The following FMNL3 variants were observed in gnomAD, a reference collection of about 807,000 sequenced individuals.
FMNL3 encodes formin-like protein 3.
In FMNL3, 57 loss-of-function variants were observed where a neutral mutation model predicts 119.6. The ratio of observed to expected loss-of-function variants is 0.48; its 90% CI spans 0.39 to 0.59. The LOEUF is 0.59. FMNL3 is among the 20% of genes least tolerant of loss of function. FMNL3 has a pLI of 0.00. For missense variants in FMNL3, 1,053 were observed against 1,323.5 expected (o/e 0.80, Z 3.17); for synonymous variants, 491 against 507.3 (o/e 0.97, Z 0.43).
chr12:49,700,854 T>C (rs1944891232), intron 1 of FMNL3, among the ~76,000 whole-genome samples: 1 of 149,572 alleles, frequency 6.7e-6, no homozygotes, highest in African/African-American at 2.5e-5. Flanking sequence ...CCGAGGTGGG[T>C]AGATCTAAGG....
intron 21 of FMNL3, 130 bp from the exon 22 acceptor site, chr12:49,648,483 TAAGG>T (rs950334362): frequency 8.4e-6 from 8 of 949,396 alleles, no homozygotes; most frequent in African/African-American, 1.7e-5. Context: ...TGTATGGACA[TAAGG>T]AAGTACACAC....
Position 49,651,931 on chromosome 12 carries a change from A to C in FMNL3, c.1603+2T>G. On this transcript the variant is annotated splice_donor_variant, in intron 14 of 25. Transcript: ENST00000335154. LOFTEE classifies it high-confidence loss of function. ...TTGGCTCCCAGGGGTCGTCGTGGTT[A>C]CCTGGTAATGGGGGAGGTGGAGGGG... is the stretch of plus-strand genomic sequence containing the variant. 1 of 1,581,226 alleles carries C rather than the reference A, an allele frequency of 6.3e-7. No homozygotes were observed. The highest frequency in any genetic ancestry group is 8.6e-7 in the Non-Finnish European group (1 of 1,160,590).
intron 1 of FMNL3, among the ~76,000 whole-genome samples, chr12:49,706,275 G>A (rs1165763765): frequency 6.6e-6 from 1 of 151,992 alleles, no homozygotes; most frequent in African/African-American, 2.4e-5. Context: ...CATTTATACA[G>A]ACCGTTTGAA....
At chr12:49,659,947 G>A (rs1056172938) in intron 5 of FMNL3, 139 of 985,314 alleles carry the variant, frequency 1.4e-4, no homozygotes, top group Non-Finnish European at 1.6e-4. Context: ...AAGGCACAGA[G>A]GTTGAGGCTT....
chr12:49,668,023 C>T (rs2138862070), intron 2 of FMNL3, among the ~76,000 whole-genome samples: 1 of 152,272 alleles, frequency 6.6e-6, no homozygotes, highest in South Asian at 2.1e-4. Flanking sequence ...AGAGAGTTTC[C>T]AGACCTTGAC....
chr12:49,651,070 C>T, intron 16 of FMNL3, 98 bp downstream of exon 16: 1 of 1,558,932 alleles, frequency 6.4e-7, no homozygotes, highest in Non-Finnish European at 8.7e-7. Context: ...AGCCTGGCCT[C>T]ACCCTGTCTG....
In FMNL3 at chr12:49,648,976, G is replaced by A. The variant is rs899633377; in HGVS notation, c.2515+53C>T. On this transcript the variant is annotated intron_variant, in intron 21 of 25. Transcript: ENST00000335154. The stretch of plus-strand genomic sequence containing the variant: ...GTTCTCTCTCCTCATAGCTTCCTGG[G>A]ATTGTCCTGGGCTGGATGTGAGGGC... The A allele has an allele frequency of 2.6e-6, 4 of 1,527,472 alleles. No individual in the cohort carries two copies. In the African/African-American group the frequency reaches 5.6e-5, roughly 21 times the overall value. The allele number at this position is 1,527,472 out of a possible 1,614,324, so 94.6% of individuals were successfully genotyped here.
At chr12:49,702,394 G>A (rs552353679) in intron 1 of FMNL3, among the ~76,000 whole-genome samples, 1 of 152,338 alleles carries the variant, frequency 6.6e-6, no homozygotes, top group Middle Eastern at 3.4e-3. Flanking sequence ...CACATCAGCT[G>A]CATTTGGTAA....
chr12:49,656,368 AACAC>A (rs139157446), intron 9 of FMNL3, 32 bp downstream of exon 9: 126 of 1,473,790 alleles, frequency 8.5e-5, no homozygotes, highest in Middle Eastern at 2.0e-4. Context: ...CTCCCCCGCA[AACAC>A]ACACACACAC....
chr12:49,660,411 A>G (rs1043704843), intron 5 of FMNL3, among the ~76,000 whole-genome samples: 5 of 152,240 alleles, frequency 3.3e-5, no homozygotes, highest in African/African-American at 1.2e-4. Flanking sequence ...TGAATTTTTT[A>G]AGAAAAATTA....
intron 1 of FMNL3, among the ~76,000 whole-genome samples, chr12:49,705,486 C>T (rs1411994825): frequency 6.6e-6 from 1 of 152,182 alleles, no homozygotes; most frequent in Non-Finnish European, 1.5e-5. Flanking sequence ...CCCAATCCAC[C>T]TCACCCCATC....
rs367619669 is a variant in FMNL3 at position 49,645,864 on chromosome 12, C to T, written c.3035G>A (p.Arg1012Lys). 2 of 1,611,182 alleles carry T rather than the reference C, an allele frequency of 1.2e-6. No individual in the cohort carries two copies. The highest frequency in any genetic ancestry group is 2.7e-5 in the African/African-American group (2 of 74,646). Reference sequence around the variant, plus strand: ...GGGACCACTGGGCGGTGCAGCACTCCTGGCTTGGTGGCGAACAACCATAGG... The same window carrying T: ...GGGACCACTGGGCGGTGCAGCACTCTTGGCTTGGTGGCGAACAACCATAGG... ...CQPMVVRHQA[R>K]SAAPPSGPPR... The change falls in exon 26 of 26, where the codon AGG (arginine) becomes AAG (lysine). Residue 1012 changes from arginine (R) to lysine (K), a missense_variant. Arg to Lys is a conservative substitution (Grantham distance 26). Around this residue, in one of 4 missense-constraint regions of FMNL3, gnomAD observed 324 missense variants for 380.9 expected, o/e 0.85. Coordinates refer to ENST00000335154, the MANE Select transcript of FMNL3 (RefSeq NM_175736.5).
rs760371441 is a variant in FMNL3, at chr12:49,653,771, T to C, written c.1175A>G (p.Asn392Ser). The C allele has an allele frequency of 2.0e-5, 33 of 1,614,174 alleles. No individual in the cohort carries two copies. Among genetic ancestry groups the C allele is most frequent in the Non-Finnish European group, 2.5e-5 (29 of 1,180,014 alleles). The change falls in exon 12 of 26, where the codon AAT becomes AGT. Residue 392 changes from asparagine to serine, a missense_variant. By Grantham distance (46) the Asn-to-Ser change is conservative. Around this residue, in one of 4 missense-constraint regions of FMNL3, gnomAD observed 445 missense variants for 628.4 expected, o/e 0.71. Transcript: ENST00000335154. ...CTCCTCCACCTTCTCCAGGGCTACATTCTTGGTCTCAGCATCCTCCAACAA... is the reference window on the plus strand; with the variant it reads ...CTCCTCCACCTTCTCCAGGGCTACACTCTTGGTCTCAGCATCCTCCAACAA... Reference protein sequence around the residue: ...GGLLEDAETKNVALEKVEELE... With the variant: ...GGLLEDAETKSVALEKVEELE...
chr12:49,651,076 G>T, intron 16 of FMNL3, 92 bp downstream of exon 16: 1 of 1,567,724 alleles, frequency 6.4e-7, no homozygotes. Context: ...GCCTCACCCT[G>T]TCTGATGGCT....
At chr12:49,684,682 TAAAC>T (rs1008285115) in intron 1 of FMNL3, among the ~76,000 whole-genome samples, 2 of 152,000 alleles carry the variant, frequency 1.3e-5, no homozygotes, top group Non-Finnish European at 2.9e-5. Flanking sequence ...CAGCAATAAT[TAAAC>T]AAGCCCAAAG....
intron 1 of FMNL3, among the ~76,000 whole-genome samples, chr12:49,683,366 A>G (rs1179626949): frequency 3.3e-5 from 5 of 151,894 alleles, no homozygotes; most frequent in African/African-American, 1.2e-4. Flanking sequence ...TTTTCCTTCT[A>G]AGGTATTTCT....
At position 49,658,663 on chromosome 12, in the gene FMNL3, C is replaced by T. The variant is rs1943647675; in HGVS notation, c.453-69G>A. On this transcript the variant is annotated intron_variant, in intron 5 of 25. Coordinates refer to ENST00000335154, the MANE Select transcript of FMNL3 (RefSeq NM_175736.5). ...ACAGGAGAAATTCAGTGCCAAGGCC[C>T]CCCGTGAGCCCACCCCCACCCTTCA... 3.4e-6 allele frequency: 5 copies of T among 1,474,540 alleles called. No homozygotes were observed. The Admixed American group carries it at 6.9e-5, about 20-fold the overall frequency. The allele number at this position is 1,474,540 out of a possible 1,614,324, so 91.3% of individuals were successfully genotyped here. A position where few individuals can be genotyped will look rare whatever the true frequency, so the allele number is the denominator to read the frequency against.
intron 5 of FMNL3, chr12:49,660,018 T>C: frequency 1.1e-6 from 1 of 948,190 alleles, no homozygotes; most frequent in Non-Finnish European, 1.3e-6. Context: ...GGGAGCAGGC[T>C]TTAGTGTCCT....
At position 49,668,034 on chromosome 12, in the gene FMNL3, T is replaced by G. The variant is rs186472281; in HGVS notation, c.210+437A>C. Among the ~76,000 whole-genome samples, 221 of 152,308 alleles carry G rather than the reference T, an allele frequency of 1.5e-3. 1 individual carries two copies. The highest frequency in any genetic ancestry group is 5.2e-3 in the African/African-American group (215 of 41,560). On this transcript the variant is annotated intron_variant, in intron 2 of 25. Transcript: ENST00000335154. ...GCAGAGAGAGTTTCCAGACCTTGAC[T>G]CTTCTGAGATTTGGGAACAAAAGAC... is the stretch of plus-strand genomic sequence containing the variant.
Sources: gnomAD v4.1 joint callset for allele counts (sites outside exome capture counted in the v4.1 genomes callset) on GRCh38, gnomAD v4.1.1 for gene constraint, gnomAD v4.1.1 regional missense constraint, MANE v1.5 for transcripts, NCBI Gene and HGNC (gene_info 2026-07-23, HGNC 2026-07-21) for gene names.